Variants in KCTD1 observed in about 807,000 individuals in gnomAD.
KCTD1 encodes the protein BTB/POZ domain-containing protein KCTD1.
Under a neutral mutation model 66.0 loss-of-function variants are expected in KCTD1, and 24 were observed. That is an observed-to-expected ratio of 0.36 (90% CI 0.26 to 0.51). KCTD1 has a LOEUF of 0.51. Among genes scored for constraint, KCTD1 ranks in the 20% least tolerant of loss-of-function variants. The pLI is 0.95. For missense variants in KCTD1, 943 were observed against 1,205.2 expected, an observed-to-expected ratio of 0.78 and a Z score of 3.22; for synonymous variants, 511 against 517.2, an observed-to-expected ratio of 0.99 and a Z score of 0.16.
At chr18:26,479,085 G>A (rs899313293) in intron 2 of KCTD1, among the ~76,000 whole-genome samples, 1 of 152,238 alleles carries the variant, frequency 6.6e-6, no homozygotes, top group African/African-American at 2.4e-5. Context: ...ATGCAATGAG[G>A]CATCTTCACT....
intron 1 of KCTD1, among the ~76,000 whole-genome samples, chr18:26,529,235 C>T (rs1984319051): frequency 6.6e-6 from 1 of 152,154 alleles, no homozygotes; most frequent in Non-Finnish European, 1.5e-5. Flanking sequence ...TCTCCCCTTG[C>T]TCTGATCCCT....
At chr18:26,610,346 G>T (rs931374515) in intron 1 of KCTD1, among the ~76,000 whole-genome samples, 1 of 152,178 alleles carries the variant, frequency 6.6e-6, no homozygotes, top group Non-Finnish European at 1.5e-5. Context: ...GCCAAGGCAG[G>T]TAGATTGCTT....
At chr18:26,637,703 G>A (rs1987752764) in intron 1 of KCTD1, among the ~76,000 whole-genome samples, 2 of 152,216 alleles carry the variant, frequency 1.3e-5, no homozygotes, top group African/African-American at 4.8e-5. Context: ...TTCAGCGGTC[G>A]GCTCACCCTA....
intron 2 of KCTD1, among the ~76,000 whole-genome samples, chr18:26,498,808 G>A (rs943842974): frequency 6.6e-6 from 1 of 152,168 alleles, no homozygotes; most frequent in Non-Finnish European, 1.5e-5. Context: ...AATATCCATG[G>A]AAAGATGGGC....
chr18:26,513,286 A>G (rs903258289), intron 1 of KCTD1, among the ~76,000 whole-genome samples: 2 of 152,048 alleles, frequency 1.3e-5, no homozygotes, highest in Non-Finnish European at 2.9e-5. Flanking sequence ...ACGGGGTTTC[A>G]TCGCGTTAGC....
At chr18:26,465,126 C>G (rs980397241) in intron 3 of KCTD1, among the ~76,000 whole-genome samples, 17 of 152,116 alleles carry the variant, frequency 1.1e-4, no homozygotes, top group African/African-American at 3.9e-4. Flanking sequence ...TCTCCTTGTC[C>G]AGGCTGGAGT....
chr18:26,567,488 G>GTTT lies in KCTD1; in HGVS notation c.-16+61656_-16+61658dup, dbSNP rs201110977. Among the ~76,000 whole-genome samples the GTTT allele has an allele frequency of 2.2e-3, 253 of 112,770 alleles. 2 individuals carry two copies. The highest frequency in any genetic ancestry group is 6.2e-3 in the African/African-American group (196 of 31,646). 74.0% of individuals were successfully genotyped at this position (112,770 alleles called of 152,430 possible). On this transcript the variant is annotated intron_variant, in intron 1 of 4. Coordinates refer to the KCTD1 transcript ENST00000317932. ...GAAATGCTGTTGTTCTGTTGTTGTT[G>GTTT]TTTTTTTTTTTTTTTTTGAGACACA...
At chr18:26,623,996 A>G (rs1003023409) in intron 1 of KCTD1, among the ~76,000 whole-genome samples, 2 of 152,166 alleles carry the variant, frequency 1.3e-5, no homozygotes, top group Admixed American at 1.3e-4. Context: ...GAGATGAGGA[A>G]CTTGTTGGGA....
intron 1 of KCTD1, among the ~76,000 whole-genome samples, chr18:26,576,789 G>C (rs192091064): frequency 5.3e-5 from 8 of 151,932 alleles, no homozygotes; most frequent in African/African-American, 1.9e-4. Flanking sequence ...GTATATATAG[G>C]CTCAGAATAT....
At chr18:26,632,766 A>G (rs190125290), upstream of KCTD1, among the ~76,000 whole-genome samples, 12 of 152,336 alleles carry the variant, frequency 7.9e-5, no homozygotes, top group East Asian at 2.1e-3. Flanking sequence ...CTACATCTAT[A>G]TGAATAAAAT....
chr18:26,557,535 A>G (rs563615507), intron 1 of KCTD1, among the ~76,000 whole-genome samples: 1 of 152,354 alleles, frequency 6.6e-6, no homozygotes, highest in African/African-American at 2.4e-5. Flanking sequence ...TAAAATATGC[A>G]TATTCACGGG....
intron 2 of KCTD1, among the ~76,000 whole-genome samples, chr18:26,492,334 T>G (rs190840388): frequency 6.6e-6 from 1 of 152,142 alleles, no homozygotes; most frequent in African/African-American, 2.4e-5. Context: ...CCCCTGAGTT[T>G]GAGAACCATC....
chr18:26,551,931 C>T (rs1481254214), upstream of KCTD1, among the ~76,000 whole-genome samples: 2 of 152,172 alleles, frequency 1.3e-5, no homozygotes, highest in African/African-American at 4.8e-5. Context: ...TCGAAGCTGC[C>T]GGTCACCCCT....
intron 1 of KCTD1, chr18:26,599,959 G>C: frequency 1.2e-6 from 2 of 1,605,064 alleles, no homozygotes; most frequent in Non-Finnish European, 1.7e-6. Flanking sequence ...TTCTCCTTCA[G>C]TGAAGCCTGC....
chr18:26,515,833 G>A (rs1983627958), intron 1 of KCTD1, among the ~76,000 whole-genome samples: 1 of 152,122 alleles, frequency 6.6e-6, no homozygotes, highest in South Asian at 2.1e-4. Context: ...TCATTTACCT[G>A]TGGCAGCAGA....
In KCTD1 at chr18:26,555,632, G is replaced by A. The variant is rs529451185; in HGVS notation, c.-15-54382C>T. On this transcript the variant is annotated intron_variant, in intron 1 of 4. Transcript: ENST00000317932. ...GCCACTTGGACAAATGAATTTTGTGGTATATGTCACAAACTATGCTGTAGA... is the reference window on the plus strand; with the variant it reads ...GCCACTTGGACAAATGAATTTTGTGATATATGTCACAAACTATGCTGTAGA... 1.8e-4 allele frequency among the ~76,000 whole-genome samples: 27 copies of A among 152,266 alleles called. No individual in the cohort carries two copies. In the South Asian group the frequency reaches 5.6e-3, roughly 32 times the overall value.
At chr18:26,586,687 A>G (rs1171665372) in intron 1 of KCTD1, among the ~76,000 whole-genome samples, 1 of 152,254 alleles carries the variant, frequency 6.6e-6, no homozygotes, top group Non-Finnish European at 1.5e-5. Flanking sequence ...GAACACACAA[A>G]TAACAAGAAA....
chr18:26,583,192 A>C (rs1986394366), intron 1 of KCTD1, among the ~76,000 whole-genome samples: 1 of 151,962 alleles, frequency 6.6e-6, no homozygotes, highest in Non-Finnish European at 1.5e-5. Flanking sequence ...TCAGGAGTTC[A>C]AGACCAGTCT....
At chr18:26,482,661 C>T (rs1378801990) in intron 2 of KCTD1, among the ~76,000 whole-genome samples, 1 of 152,194 alleles carries the variant, frequency 6.6e-6, no homozygotes, top group Non-Finnish European at 1.5e-5. Flanking sequence ...GTCTAGGGCA[C>T]CCCATGCCAC....
Sources: allele counts gnomAD v4.1 joint callset (sites outside exome capture counted in the v4.1 genomes callset), GRCh38; gene constraint gnomAD v4.1.1; transcripts MANE v1.5; gene names NCBI Gene and HGNC (gene_info 2026-07-23, HGNC 2026-07-21).